Variants in SPACA1 observed in about 807,000 individuals in gnomAD.
SPACA1 encodes sperm acrosome membrane-associated protein 1.
SPACA1 carries 17 observed loss-of-function variants against 32.6 expected under a neutral mutation model. The ratio of observed to expected loss-of-function variants is 0.52; its 90% CI spans 0.36 to 0.78. SPACA1 has a LOEUF of 0.78. SPACA1 is among the 30% of genes least tolerant of loss of function. The probability of loss-of-function intolerance (pLI) is 0.01; values close to 1 mark genes in which losing one functional copy is unlikely to be tolerated. For synonymous variants in SPACA1, 140 were observed against 138.1 expected (o/e 1.01, Z -0.10); for missense variants, 363 against 373.4 (o/e 0.97, Z 0.23).
chr6:88,062,562 A>C (rs532644697), intron 5 of SPACA1, among the ~76,000 whole-genome samples: 1 of 152,356 alleles, frequency 6.6e-6, no homozygotes, highest in East Asian at 1.9e-4. Flanking sequence ...CAATGTAGCA[A>C]TACTGTAATA....
intron 1 of SPACA1, among the ~76,000 whole-genome samples, chr6:88,049,594 C>G (rs1775698664): frequency 6.6e-6 from 1 of 152,108 alleles, no homozygotes; most frequent in Non-Finnish European, 1.5e-5. Flanking sequence ...ACAGTTATCC[C>G]CATTTACTAT....
In SPACA1 at chr6:88,047,929, C is replaced by A; in HGVS notation, c.24C>A (p.Cys8Ter). The A allele has an allele frequency of 6.4e-7, 1 of 1,561,826 alleles. No homozygotes were observed. Residue 8 changes from cysteine (C) to a stop codon, truncating the protein, a stop_gained, in exon 1 of 7, where the codon TGC (cysteine) becomes TGA (stop). Transcript: ENST00000237201. LOFTEE classifies it high-confidence loss of function. Reference sequence around the variant, plus strand: ...CCATGAGCCCCAGGGGCACGGGCTGCTCCGCCGGGCTGCTGATGACTGTCG... The same window carrying A: ...CCATGAGCCCCAGGGGCACGGGCTGATCCGCCGGGCTGCTGATGACTGTCG... MSPRGTG[C>*]SAGLLMTVGW...
upstream of SPACA1, chr6:88,047,759 G>A: frequency 1.2e-6 from 1 of 800,534 alleles, no homozygotes; most frequent in Non-Finnish European, 1.9e-6. Context: ...CCGGAGCAGC[G>A]CCCCGGCAAC....
rs1490210304 is a variant in SPACA1 at position 88,057,804 on chromosome 6, AG to A, written c.367+93del. ...CCTCAGGTTGCCACTGAGTAGAAGG[AG>A]GCAACCAGTTGACATACTCAAAGGA... On this transcript the variant is annotated intron_variant, in intron 3 of 6. Coordinates refer to ENST00000237201, the MANE Select transcript of SPACA1 (RefSeq NM_030960.3). 1.6e-5 allele frequency: 15 copies of A among 962,562 alleles called. 1 individual carries two copies. Among genetic ancestry groups the A allele is most frequent in the South Asian group, 1.4e-4 (10 of 72,232 alleles). 59.6% of individuals were successfully genotyped at this position (962,562 alleles called of 1,614,324 possible).
rs747337328 is a variant in SPACA1, at chr6:88,066,195, G to A, written c.745G>A (p.Ala249Thr). The change falls in exon 7 of 7, where the codon GCT becomes ACT. Residue 249 changes from alanine (A) to threonine (T), a missense_variant. Transcript: ENST00000237201. ...TTTTTCTTCCAGGGCAGCAGTCAAG[G>A]CTTTCTGGGGGGCAAAAGCCTCTAC... ...FIIINWAAVKAFWGAKASTPE... is the reference protein window; with the variant it reads ...FIIINWAAVKTFWGAKASTPE... 1.1e-5 allele frequency: 18 copies of A among 1,586,220 alleles called. No homozygotes were observed. Among genetic ancestry groups the A allele is most frequent in the Non-Finnish European group, 1.7e-6 (2 of 1,164,930 alleles).
intron 4 of SPACA1, 141 bp from the exon 5 acceptor site, chr6:88,059,312 C>A: frequency 1.4e-6 from 1 of 731,474 alleles, no homozygotes; most frequent in Non-Finnish European, 2.1e-6. Flanking sequence ...GATTGTGTGA[C>A]TGAAAATCCA....
chr6:88,055,731 G>A (rs999608737), intron 2 of SPACA1, among the ~76,000 whole-genome samples: 4 of 152,228 alleles, frequency 2.6e-5, no homozygotes, highest in African/African-American at 4.8e-5. Context: ...AGCACTTTGG[G>A]AGGCCGAGGC....
chr6:88,053,844 C>T (rs1190353499), intron 1 of SPACA1, 102 bp from the exon 2 acceptor site: 2 of 859,594 alleles, frequency 2.3e-6, no homozygotes, highest in African/African-American at 1.7e-5. Context: ...AAAATGTCTG[C>T]TGCCCATATC....
rs1405966363 is a variant in SPACA1 at position 88,058,737 on chromosome 6, G to A, written c.389G>A (p.Ser130Asn). The A allele has an allele frequency of 7.4e-6, 12 of 1,613,216 alleles. No homozygotes were observed. The highest frequency in any genetic ancestry group is 1.7e-4 in the Middle Eastern group (1 of 6,038). The part of the protein sequence containing the change: ...DCGWGKPISE[S>N]LESVRLACIH... The stretch of plus-strand genomic sequence containing the variant: ...TCAGGGGGTAAACCAATTTCAGAAA[G>A]TCTTGAAAGTGTTAGATTGGCATGT... The change falls in exon 4 of 7, where the codon AGT becomes AAT. Residue 130 changes from serine to asparagine, a missense_variant. Transcript: ENST00000237201.
intron 2 of SPACA1, among the ~76,000 whole-genome samples, chr6:88,056,380 G>A (rs1369522185): frequency 6.6e-6 from 1 of 150,930 alleles, no homozygotes; most frequent in East Asian, 1.9e-4. Flanking sequence ...AAACTCAAGT[G>A]GAGCCGTACT....
At chr6:88,053,778 TAGAC>T (rs1363456675) in intron 1 of SPACA1, among the ~76,000 whole-genome samples, 164 bp from the exon 2 acceptor site, 1 of 152,228 alleles carries the variant, frequency 6.6e-6, no homozygotes, top group East Asian at 1.9e-4. Flanking sequence ...TCTTTTGAGT[TAGAC>T]AATAACAGTA....
At chr6:88,060,207 AT>A (rs1775872033) in intron 5 of SPACA1, among the ~76,000 whole-genome samples, 2 of 152,170 alleles carry the variant, frequency 1.3e-5, no homozygotes, top group Non-Finnish European at 2.9e-5. Flanking sequence ...ATTTGCCTAT[AT>A]TCAGTTTAAT....
At chr6:88,057,549 A>G in intron 2 of SPACA1, 63 bp from the exon 3 acceptor site, 1 of 1,110,928 alleles carries the variant, frequency 9.0e-7, no homozygotes, top group Admixed American at 1.8e-5. Context: ...TAGGTGGGAA[A>G]GTGAAGACAC....
Position 88,059,591 on chromosome 6 carries a change from A to G in SPACA1, c.610+3A>G, listed in dbSNP as rs779778772. ...ATTCACAGTCTATACGAGCAGTGGT[A>G]AGTGTCCAGCAATGTCTTGGTTTGC... On this transcript the variant is annotated splice_donor_region_variant and intron_variant, in intron 5 of 6. Coordinates refer to ENST00000237201, the MANE Select transcript of SPACA1 (RefSeq NM_030960.3). 1.2e-6 allele frequency: 2 copies of G among 1,608,656 alleles called. No homozygotes were observed.
At chr6:88,049,898 T>C (rs1262198071) in intron 1 of SPACA1, among the ~76,000 whole-genome samples, 2 of 152,214 alleles carry the variant, frequency 1.3e-5, no homozygotes, top group African/African-American at 2.4e-5. Flanking sequence ...TCATTAATCT[T>C]GGTTCTTTTT....
chr6:88,066,174 T>G lies in SPACA1; in HGVS notation c.732-8T>G. The G allele has an allele frequency of 6.4e-7, 1 of 1,550,828 alleles. No homozygotes were observed. The highest frequency in any genetic ancestry group is 8.7e-7 in the Non-Finnish European group (1 of 1,150,752). On this transcript the variant is annotated splice_polypyrimidine_tract_variant and splice_region_variant and intron_variant, in intron 6 of 6. Coordinates refer to ENST00000237201, the MANE Select transcript of SPACA1 (RefSeq NM_030960.3). The stretch of plus-strand genomic sequence containing the variant: ...TATGGTGGTTTTGGTTTTTGTTTTT[T>G]CTTCCAGGGCAGCAGTCAAGGCTTT...
chr6:88,061,446 A>T (rs2127801465), intron 5 of SPACA1, among the ~76,000 whole-genome samples: 1 of 152,148 alleles, frequency 6.6e-6, no homozygotes, highest in Admixed American at 6.5e-5. Context: ...ACACACACAC[A>T]CACACACACA....
At chr6:88,047,396 T>G (rs1299300151), upstream of SPACA1, among the ~76,000 whole-genome samples, 1 of 152,204 alleles carries the variant, frequency 6.6e-6, no homozygotes, top group Non-Finnish European at 1.5e-5. Flanking sequence ...CATCCCAAAT[T>G]GGATATTCTG....
intron 6 of SPACA1, 96 bp from the exon 7 acceptor site, chr6:88,066,086 C>CACAT: frequency 1.1e-6 from 1 of 903,616 alleles, no homozygotes; most frequent in Non-Finnish European, 1.6e-6. Context: ...CACACACACA[C>CACAT]ATATATATAT....
Sources: gnomAD v4.1 joint callset for allele counts (sites outside exome capture counted in the v4.1 genomes callset) on GRCh38, gnomAD v4.1.1 for gene constraint, MANE v1.5 for transcripts, NCBI Gene and HGNC (gene_info 2026-07-23, HGNC 2026-07-21) for gene names.